RIC1: variants seen among roughly 807,000 people sequenced by gnomAD.
RIC1 encodes the protein guanine nucleotide exchange factor subunit RIC1.
Under a neutral mutation model 169.0 loss-of-function variants are expected in RIC1, and 88 were observed. That is an observed-to-expected ratio of 0.52 (90% CI 0.44 to 0.62). The LOEUF (loss-of-function observed/expected upper bound fraction) is 0.62, where lower values mean the gene tolerates loss of function less well. Among genes scored for constraint, RIC1 ranks in the 20% least tolerant of loss-of-function variants. The probability of loss-of-function intolerance (pLI) is 0.00; values close to 1 mark genes in which losing one functional copy is unlikely to be tolerated. For synonymous variants in RIC1, 790 were observed against 601.5 expected, an observed-to-expected ratio of 1.31 and a Z score of -4.59; for missense variants, 1,877 against 1,725.5, an observed-to-expected ratio of 1.09 and a Z score of -1.56.
downstream of RIC1, among the ~76,000 whole-genome samples, chr9:5,778,246 C>T (rs964971872): frequency 6.6e-6 from 1 of 152,198 alleles, no homozygotes; most frequent in East Asian, 1.9e-4. Flanking sequence ...ACAATTGCTT[C>T]TGTATATTGA....
intron 2 of RIC1, among the ~76,000 whole-genome samples, chr9:5,689,044 CTT>C (rs34717277): frequency 3.0e-5 from 3 of 99,034 alleles, no homozygotes; most frequent in East Asian, 3.2e-4. Flanking sequence ...AATACAATTT[CTT>C]TTTTTTTTTT....
At position 5,669,898 on chromosome 9, in the gene RIC1, G is replaced by A. The variant is rs759503624; in HGVS notation, c.252+13208G>A. On this transcript the variant is annotated intron_variant, in intron 2 of 25. Transcript: ENST00000414202. ...GGGTGATCAGACATCACTTAGGGGA[G>A]ATTGGAGGATGAGCCACCTAATCAG... Among the ~76,000 whole-genome samples, 25 of 152,178 alleles carry A rather than the reference G, an allele frequency of 1.6e-4. 1 individual carries two copies. The highest frequency in any genetic ancestry group is 2.8e-4 in the Non-Finnish European group (19 of 68,044).
rs956066865 is a variant in RIC1, at chr9:5,681,460, A to C, written c.253-8499A>C. 2.0e-5 allele frequency among the ~76,000 whole-genome samples: 3 copies of C among 152,026 alleles called. No homozygotes were observed. The East Asian group carries it at 5.8e-4, about 29-fold the overall frequency. On this transcript the variant is annotated intron_variant, in intron 2 of 25. Coordinates refer to ENST00000414202, the MANE Select transcript of RIC1 (RefSeq NM_020829.4). The stretch of plus-strand genomic sequence containing the variant: ...CCATGTAGTTGAGTGGTTTTGAGTG[A>C]GTTTCTTAATCCTGAGTTCTAGTTT...
intron 1 of RIC1, among the ~76,000 whole-genome samples, chr9:5,637,298 A>T (rs1818017472): frequency 6.6e-6 from 1 of 151,902 alleles, no homozygotes; most frequent in Non-Finnish European, 1.5e-5. Context: ...TGAACTCCTG[A>T]GCTCAAGTGA....
At chr9:5,713,450 C>T (rs1357227748) in intron 3 of RIC1, 5 of 152,292 alleles carry the variant, frequency 3.3e-5, no homozygotes, top group East Asian at 1.9e-4. Flanking sequence ...GATTCACACC[C>T]AAAGAATAGG....
At chr9:5,667,270 T>G (rs1819831410) in intron 2 of RIC1, among the ~76,000 whole-genome samples, 1 of 152,120 alleles carries the variant, frequency 6.6e-6, no homozygotes, top group Non-Finnish European at 1.5e-5. Flanking sequence ...TACCATGAGT[T>G]TTGATCTTGT....
At chr9:5,695,478 A>G (rs1041748869) in intron 3 of RIC1, among the ~76,000 whole-genome samples, 2 of 151,690 alleles carry the variant, frequency 1.3e-5, no homozygotes, top group African/African-American at 2.4e-5. Context: ...AGTATATTCT[A>G]CCTTGTATGT....
intron 2 of RIC1, among the ~76,000 whole-genome samples, chr9:5,687,916 T>G (rs1383076726): frequency 6.6e-6 from 1 of 152,054 alleles, no homozygotes; most frequent in Non-Finnish European, 1.5e-5. Context: ...TATTTTGGGT[T>G]TTTTTGTGTG....
intron 1 of RIC1, among the ~76,000 whole-genome samples, chr9:5,630,708 ACT>A (rs1817676670): frequency 6.6e-6 from 1 of 152,170 alleles, no homozygotes; most frequent in Non-Finnish European, 1.5e-5. Context: ...CAACAATATG[ACT>A]ATTTTGTCTA....
intron 1 of RIC1, among the ~76,000 whole-genome samples, chr9:5,643,308 T>C (rs1168687633): frequency 6.6e-6 from 1 of 152,198 alleles, no homozygotes; most frequent in Non-Finnish European, 1.5e-5. Context: ...TTTTCTTCTA[T>C]GGCTTTCTTT....
intron 3 of RIC1, among the ~76,000 whole-genome samples, chr9:5,695,091 T>G (rs1382058266): frequency 6.6e-6 from 1 of 151,870 alleles, no homozygotes; most frequent in Non-Finnish European, 1.5e-5. Flanking sequence ...GAATAGAGAG[T>G]GGAATATGAC....
At chr9:5,670,538 A>G (rs948306044) in intron 2 of RIC1, among the ~76,000 whole-genome samples, 1 of 152,232 alleles carries the variant, frequency 6.6e-6, no homozygotes, top group African/African-American at 2.4e-5. Flanking sequence ...ACTGTGCAGT[A>G]GAATTCTTAA....
intron 7 of RIC1, among the ~76,000 whole-genome samples, chr9:5,733,501 C>G (rs1427114156): frequency 6.6e-6 from 1 of 151,954 alleles, no homozygotes; most frequent in Non-Finnish European, 1.5e-5. Flanking sequence ...ATCTCCTGAC[C>G]TTGTGATCCG....
At chr9:5,748,842 A>G (rs545906335) in intron 12 of RIC1, 2 of 152,416 alleles carry the variant, frequency 1.3e-5, no homozygotes, top group African/African-American at 2.4e-5. Context: ...ACATTTTAAC[A>G]CTGATTTTAG....
intron 2 of RIC1, among the ~76,000 whole-genome samples, chr9:5,682,621 C>G (rs553291747): frequency 6.6e-6 from 1 of 152,142 alleles, no homozygotes; most frequent in East Asian, 1.9e-4. Flanking sequence ...TTTGCTGAAT[C>G]TGACAATTAT....
chr9:5,674,352 C>T (rs1485274843), intron 2 of RIC1, among the ~76,000 whole-genome samples: 1 of 151,838 alleles, frequency 6.6e-6, no homozygotes, highest in Non-Finnish European at 1.5e-5. Flanking sequence ...TTAAATAGCC[C>T]AAGTAAGGAT....
At chr9:5,728,781 A>T (rs1824170961) in intron 6 of RIC1, among the ~76,000 whole-genome samples, 1 of 152,206 alleles carries the variant, frequency 6.6e-6, no homozygotes, top group African/African-American at 2.4e-5. Context: ...GCCTTCTGTC[A>T]TAATTATCCT....
At chr9:5,665,100 T>A (rs1819674522) in intron 2 of RIC1, among the ~76,000 whole-genome samples, 1 of 152,154 alleles carries the variant, frequency 6.6e-6, no homozygotes, top group Non-Finnish European at 1.5e-5. Context: ...TGTTCCTACA[T>A]TGGGAGCGTA....
intron 1 of RIC1, among the ~76,000 whole-genome samples, chr9:5,649,195 A>G (rs1306841570): frequency 6.6e-6 from 1 of 152,184 alleles, no homozygotes; most frequent in Non-Finnish European, 1.5e-5. Flanking sequence ...CCACAGTAGA[A>G]TCCTCAAACT....
Sources: allele counts gnomAD v4.1 joint callset (sites outside exome capture counted in the v4.1 genomes callset), GRCh38; gene constraint gnomAD v4.1.1; transcripts MANE v1.5; gene names NCBI Gene and HGNC (gene_info 2026-07-23, HGNC 2026-07-21).